EPG5: variants seen among roughly 807,000 people sequenced by gnomAD.
EPG5 encodes ectopic P granules protein 5 homolog.
Under a neutral mutation model 302.7 loss-of-function variants are expected in EPG5, and 159 were observed. The observed-to-expected ratio is 0.53, with a 90% confidence interval of 0.46 to 0.60. The LOEUF (loss-of-function observed/expected upper bound fraction) is 0.60, where lower values mean the gene tolerates loss of function less well. EPG5 is among the 20% of genes least tolerant of loss of function. EPG5 has a pLI of 0.00. For missense variants in EPG5, 2,896 were observed against 3,092.4 expected (o/e 0.94, Z 1.51); for synonymous variants, 1,158 against 1,136.8 (o/e 1.02, Z -0.37).
chr18:45,883,634 T>G (rs1156807946), intron 30 of EPG5, among the ~76,000 whole-genome samples: 8 of 139,090 alleles, frequency 5.8e-5, no homozygotes, highest in African/African-American at 2.3e-4. Flanking sequence ...TTTTTTTTTT[T>G]TTTTTTTGTA....
intron 10 of EPG5, 144 bp from the exon 11 acceptor site, chr18:45,935,110 G>A (rs908310928): frequency 2.4e-6 from 2 of 848,856 alleles, no homozygotes; most frequent in Non-Finnish European, 3.6e-6. Context: ...ACACCTCAAG[G>A]ATGGCTAAGA....
the EPG5 span, chr18:45,842,442 TGAGAGA>T: frequency 3.5e-5 from 12 of 344,894 alleles, no homozygotes; most frequent in East Asian, 5.2e-5. Context: ...TGTGTGTGTG[TGAGAGA>T]GAGAGAGAGA....
At chr18:45,922,310 G>A in intron 16 of EPG5, 31 bp downstream of exon 16, 1 of 1,606,768 alleles carries the variant, frequency 6.2e-7, no homozygotes, top group East Asian at 2.2e-5. Flanking sequence ...GCAAGGTTCA[G>A]TAACCCTAGT....
chr18:45,812,268 G>C, the EPG5 span, among the ~76,000 whole-genome samples: 1 of 152,076 alleles, frequency 6.6e-6, no homozygotes, highest in African/African-American at 2.4e-5. Context: ...AAACAAAAGA[G>C]GACACAAACA....
chr18:45,943,981 T>C (rs772150042), intron 8 of EPG5, 24 bp downstream of exon 8: 1 of 1,476,154 alleles, frequency 6.8e-7, no homozygotes, highest in South Asian at 1.1e-5. Context: ...TACCACATTT[T>C]ACACTTAAGA....
chr18:45,878,763 CCTCT>C (rs2049025816), intron 33 of EPG5, among the ~76,000 whole-genome samples: 1 of 152,174 alleles, frequency 6.6e-6, no homozygotes, highest in South Asian at 2.1e-4. Context: ...GAAACTGAAA[CCTCT>C]CTGTACCCCA....
chr18:45,823,343 G>A, the EPG5 span, among the ~76,000 whole-genome samples: 1 of 152,184 alleles, frequency 6.6e-6, no homozygotes, highest in Non-Finnish European at 1.5e-5. Context: ...GGTTCACTCT[G>A]ACAGCCACAG....
the EPG5 span, among the ~76,000 whole-genome samples, chr18:45,823,465 A>G: frequency 1.3e-5 from 2 of 152,138 alleles, no homozygotes; most frequent in Non-Finnish European, 2.9e-5. Context: ...TTGGCATTCC[A>G]TCGGTAAAGC....
downstream of EPG5, among the ~76,000 whole-genome samples, chr18:45,844,411 T>C (rs558386391): frequency 5.3e-5 from 8 of 152,242 alleles, no homozygotes; most frequent in South Asian, 6.2e-4. Flanking sequence ...AAGAGTGGAA[T>C]TGGAATGTTC....
the EPG5 span, among the ~76,000 whole-genome samples, chr18:45,834,259 A>G: frequency 5.3e-3 from 809 of 152,290 alleles, 4 homozygotes; most frequent in Middle Eastern, 0.02. Flanking sequence ...CTGTCCTCAC[A>G]TAGCAAATCA....
intron 16 of EPG5, 91 bp downstream of exon 16, chr18:45,922,250 A>C (rs2050171486): frequency 6.7e-7 from 1 of 1,498,942 alleles, no homozygotes; most frequent in East Asian, 2.3e-5. Context: ...AATAGGTTTG[A>C]CAGAGGCCTC....
At chr18:45,898,448 A>G (rs931386487) in intron 27 of EPG5, among the ~76,000 whole-genome samples, 3 of 152,250 alleles carry the variant, frequency 2.0e-5, no homozygotes, top group Non-Finnish European at 2.9e-5. Flanking sequence ...GCTATGGCAC[A>G]CTAGCTTCAG....
In EPG5 at chr18:45,928,312, A is replaced by G. The variant is rs114955168; in HGVS notation, c.2553+557T>C. Among the ~76,000 whole-genome samples, 1,157 of 152,330 alleles carry G rather than the reference A, an allele frequency of 7.6e-3. 12 individuals are homozygous for G. The highest frequency in any genetic ancestry group is 0.027 in the African/African-American group (1,104 of 41,582). On this transcript the variant is annotated intron_variant, in intron 13 of 43. Coordinates refer to ENST00000282041, the MANE Select transcript of EPG5 (RefSeq NM_020964.3). ...GAGAGTTGCACATATCTGTGAATAG[A>G]CTAAAAACCACTGACGTATATACTT...
chr18:45,893,551 T>A (rs200197242), intron 27 of EPG5, among the ~76,000 whole-genome samples: 3 of 136,806 alleles, frequency 2.2e-5, no homozygotes, highest in Non-Finnish European at 3.1e-5. Flanking sequence ...AGACTCTGTC[T>A]AAAAAAAAAA....
intron 1 of EPG5, among the ~76,000 whole-genome samples, chr18:45,966,557 T>C (rs1361447993): frequency 1.3e-5 from 2 of 152,138 alleles, no homozygotes; most frequent in Non-Finnish European, 2.9e-5. Context: ...ACATGTAGTC[T>C]AATACAGGAA....
the EPG5 span, among the ~76,000 whole-genome samples, chr18:45,823,432 C>T: frequency 6.6e-6 from 1 of 152,104 alleles, no homozygotes; most frequent in Admixed American, 6.5e-5. Flanking sequence ...CCTAAATTAC[C>T]TCTCTCACCA....
intron 39 of EPG5, among the ~76,000 whole-genome samples, chr18:45,863,149 T>C (rs911591349): frequency 2.0e-5 from 3 of 152,254 alleles, no homozygotes; most frequent in Non-Finnish European, 4.4e-5. Flanking sequence ...TTGCCTGACA[T>C]AATCATCTTG....
chr18:45,931,472 C>T (rs1211570526), intron 11 of EPG5, among the ~76,000 whole-genome samples: 1 of 152,100 alleles, frequency 6.6e-6, no homozygotes, highest in East Asian at 1.9e-4. Flanking sequence ...GCAATATTCA[C>T]AAATATACAT....
chr18:45,894,089 C>G (rs1203769174), intron 27 of EPG5, among the ~76,000 whole-genome samples: 2 of 152,038 alleles, frequency 1.3e-5, no homozygotes, highest in Non-Finnish European at 2.9e-5. Flanking sequence ...AATCATAACA[C>G]AAAATAAGTT....
Sources: allele counts gnomAD v4.1 joint callset (sites outside exome capture counted in the v4.1 genomes callset), GRCh38; gene constraint gnomAD v4.1.1; transcripts MANE v1.5; gene names NCBI Gene and HGNC (gene_info 2026-07-23, HGNC 2026-07-21).